The following EHMT1 variants were observed in gnomAD, a reference collection of about 807,000 sequenced individuals.
EHMT1 encodes histone-lysine N-methyltransferase EHMT1.
EHMT1 carries 15 observed loss-of-function variants against 147.2 expected under a neutral mutation model. The ratio of observed to expected loss-of-function variants is 0.10; its 90% CI spans 0.07 to 0.16. EHMT1 has a LOEUF of 0.16. Ranked by LOEUF, EHMT1 falls within the 10% of genes least tolerant of loss-of-function variation. The probability of loss-of-function intolerance (pLI) is 1.00; values close to 1 mark genes in which losing one functional copy is unlikely to be tolerated. For synonymous variants in EHMT1, 795 were observed against 709.6 expected, an observed-to-expected ratio of 1.12 and a Z score of -1.91; for missense variants, 1,587 against 1,772.4, an observed-to-expected ratio of 0.90 and a Z score of 1.88.
intron 25 of EHMT1, chr9:137,834,068 C>T: frequency 3.8e-6 from 2 of 532,358 alleles, no homozygotes; most frequent in Non-Finnish European, 6.8e-6. Flanking sequence ...CGCTGGAAGC[C>T]CCATGGGGAC....
chr9:137,675,787 T>TA (rs1230865904), intron 1 of EHMT1, among the ~76,000 whole-genome samples: 1 of 124,654 alleles, frequency 8.0e-6, no homozygotes, highest in East Asian at 2.1e-4. Context: ...TAATTTTTTT[T>TA]TTTTTTTTTT....
At position 137,622,992 on chromosome 9, in the gene EHMT1, C is replaced by T. The variant is rs537682745; in HGVS notation, c.21+3943C>T. 1.6e-4 allele frequency among the ~76,000 whole-genome samples: 24 copies of T among 151,410 alleles called. No homozygotes were observed. The East Asian group carries it at 3.9e-3, about 24-fold the overall frequency. ...TTGGGAGGCTGAGGTGGGTGGATCA[C>T]GAGGTCAGGAGATCGAGACCATCCT... is the stretch of plus-strand genomic sequence containing the variant. On this transcript the variant is annotated intron_variant, in intron 1 of 26. Coordinates refer to ENST00000460843, the MANE Select transcript of EHMT1 (RefSeq NM_024757.5).
chr9:137,727,773 C>T (rs1399249492), intron 3 of EHMT1, among the ~76,000 whole-genome samples: 1 of 152,206 alleles, frequency 6.6e-6, no homozygotes, highest in Admixed American at 6.5e-5. Context: ...CACAGCCTTG[C>T]CCTGCAGGCT....
intron 1 of EHMT1, among the ~76,000 whole-genome samples, chr9:137,702,791 C>T (rs1414705184): frequency 2.0e-5 from 3 of 152,242 alleles, no homozygotes; most frequent in Non-Finnish European, 2.9e-5. Context: ...TCCGTGGGGG[C>T]TTCGCCCCTG....
intron 1 of EHMT1, chr9:137,641,450 T>C: frequency 1.9e-6 from 1 of 519,976 alleles, no homozygotes; most frequent in South Asian, 1.4e-5. Context: ...GCAGTGCCTC[T>C]TCATCCTCCT....
In EHMT1 at chr9:137,654,120, G is replaced by T. The variant is rs375258954; in HGVS notation, c.21+35071G>T. Among the ~76,000 whole-genome samples, 123 of 152,264 alleles carry T rather than the reference G, an allele frequency of 8.1e-4. 1 individual carries two copies. In the South Asian group the frequency reaches 0.025, roughly 31 times the overall value. On this transcript the variant is annotated intron_variant, in intron 1 of 26. Coordinates refer to ENST00000460843, the MANE Select transcript of EHMT1 (RefSeq NM_024757.5). The stretch of plus-strand genomic sequence containing the variant: ...CCATAGGCTGGGCGCGGTGGCTCAC[G>T]CCTGTAATCCCAGCACTTTGGGAGG...
intron 3 of EHMT1, among the ~76,000 whole-genome samples, chr9:137,722,317 T>C (rs1234507142): frequency 6.6e-6 from 1 of 152,264 alleles, no homozygotes; most frequent in Non-Finnish European, 1.5e-5. Context: ...GATCGCTTTT[T>C]TCTGGATTGA....
At chr9:137,779,485 G>T in intron 13 of EHMT1, 150 bp from the exon 14 acceptor site, 1 of 771,524 alleles carries the variant, frequency 1.3e-6, no homozygotes, top group Non-Finnish European at 2.1e-6. Flanking sequence ...GACGTCTGCC[G>T]GGCCTTCCAG....
intron 1 of EHMT1, among the ~76,000 whole-genome samples, chr9:137,652,917 A>G (rs1327431102): frequency 6.8e-6 from 1 of 146,420 alleles, no homozygotes; most frequent in East Asian, 2.1e-4. Flanking sequence ...TAGTAGAGAC[A>G]AGGTTTCACC....
intron 1 of EHMT1, among the ~76,000 whole-genome samples, chr9:137,668,740 T>A (rs1006268801): frequency 6.6e-5 from 10 of 152,300 alleles, no homozygotes; most frequent in Non-Finnish European, 1.0e-4. Context: ...TTTCTTTTTT[T>A]TTTTTGCTGT....
chr9:137,680,974 A>G (rs180862184), intron 1 of EHMT1: 31 of 152,324 alleles, frequency 2.0e-4, no homozygotes, highest in African/African-American at 7.2e-4. Flanking sequence ...TGTGTGCCCT[A>G]TGTTGTACTG....
chr9:137,816,209 C>G (rs879418858), intron 23 of EHMT1, 147 bp downstream of exon 23: 9 of 730,282 alleles, frequency 1.2e-5, no homozygotes, highest in Non-Finnish European at 2.2e-5. Flanking sequence ...TACCTGAGCC[C>G]TTTATCCTCT....
Position 137,731,206 on chromosome 9 carries a change from T to C in EHMT1, c.823+2677T>C, listed in dbSNP as rs1236333713. Among the ~76,000 whole-genome samples the C allele has an allele frequency of 1.3e-5, 2 of 152,198 alleles. No homozygotes were observed. The highest frequency in any genetic ancestry group is 2.9e-5 in the Non-Finnish European group (2 of 68,032). ...GGAAGTGGGTGGTCCATCAGCGTGT[T>C]AGCCTAGGACAGTGTGTAAAATGGC... On this transcript the variant is annotated intron_variant, in intron 4 of 26. Transcript: ENST00000460843. The surrounding 1 kb of genome is among the most constrained non-coding windows in gnomAD (Gnocchi z 4.3).
chr9:137,727,711 T>G (rs1022490724), intron 3 of EHMT1, among the ~76,000 whole-genome samples: 5 of 152,202 alleles, frequency 3.3e-5, no homozygotes, highest in Admixed American at 2.6e-4. Context: ...GAGGTTCAGT[T>G]GTGTCTGTGC....
intron 1 of EHMT1, among the ~76,000 whole-genome samples, chr9:137,656,958 C>T (rs1938522994): frequency 6.6e-6 from 1 of 152,116 alleles, no homozygotes; most frequent in Non-Finnish European, 1.5e-5. Context: ...CCAGGCTGGT[C>T]TTGAACTCTT....
intron 10 of EHMT1, among the ~76,000 whole-genome samples, chr9:137,767,964 G>T (rs1347839796): frequency 1.3e-5 from 2 of 152,116 alleles, no homozygotes; most frequent in Non-Finnish European, 2.9e-5. Context: ...CAAATTTTTT[G>T]TGATCAGATA....
chr9:137,814,586 G>A (rs1028689344), intron 22 of EHMT1, 78 bp downstream of exon 22: 5 of 1,512,544 alleles, frequency 3.3e-6, no homozygotes, highest in Middle Eastern at 1.7e-4. Flanking sequence ...GCAGGCGTCT[G>A]TGACCCCAGC....
At chr9:137,636,147 C>A (rs2133730041) in intron 1 of EHMT1, among the ~76,000 whole-genome samples, 1 of 152,214 alleles carries the variant, frequency 6.6e-6, no homozygotes, top group South Asian at 2.1e-4. Flanking sequence ...ATCTTGAACT[C>A]CTGACCTCAG....
chr9:137,788,243 T>G, intron 15 of EHMT1: 1 of 466,088 alleles, frequency 2.1e-6, no homozygotes. Flanking sequence ...TGGAGTCCCC[T>G]AGCAGGGACT....
Sources: gnomAD v4.1 joint callset for allele counts (sites outside exome capture counted in the v4.1 genomes callset) on GRCh38, gnomAD v4.1.1 for gene constraint, Gnocchi (gnomAD v3.1) non-coding constraint, MANE v1.5 for transcripts, NCBI Gene and HGNC (gene_info 2026-07-23, HGNC 2026-07-21) for gene names.